Variants in TUSC3 observed in about 807,000 individuals in gnomAD.
The protein encoded by TUSC3 is tumor suppressor candidate 3, also known as dolichyl-diphosphooligosaccharide--protein glycosyltransferase subunit TUSC3.
In TUSC3, 45 loss-of-function variants were observed where a neutral mutation model predicts 44.8. That is an observed-to-expected ratio of 1.00 (90% CI 0.79 to 1.29). TUSC3 has a LOEUF of 1.29. Ranked by LOEUF, TUSC3 falls within the 50% of genes most tolerant of loss-of-function variation. TUSC3 has a pLI of 0.00. For missense variants in TUSC3, 519 were observed against 437.9 expected (o/e 1.19, Z -1.65); for synonymous variants, 212 against 152.9 (o/e 1.39, Z -2.85).
chr8:15,786,513 C>T, the TUSC3 span, among the ~76,000 whole-genome samples: 7 of 152,162 alleles, frequency 4.6e-5, no homozygotes, highest in South Asian at 1.4e-3. Context: ...GCAATCATTT[C>T]TTCTCTTTTA....
At chr8:15,469,576 G>C (rs1563259396) in intron 1 of TUSC3, among the ~76,000 whole-genome samples, 1 of 152,150 alleles carries the variant, frequency 6.6e-6, no homozygotes, top group Non-Finnish European at 1.5e-5. Context: ...GTAATTTGGA[G>C]AACTGTTTGG....
At chr8:15,851,566 G>C in the TUSC3 span, among the ~76,000 whole-genome samples, 20 of 152,302 alleles carry the variant, frequency 1.3e-4, no homozygotes, top group Admixed American at 7.8e-4. Flanking sequence ...ACTTGACCAA[G>C]ACATGGGACA....
chr8:15,437,166 A>G lies in TUSC3; in HGVS notation n.91+19861A>G, dbSNP rs545387882. Among the ~76,000 whole-genome samples the G allele has an allele frequency of 4.9e-4, 74 of 152,320 alleles. 1 individual carries two copies. Among genetic ancestry groups the G allele is most frequent in the African/African-American group, 1.7e-3 (69 of 41,584 alleles). On this transcript the variant is annotated intron_variant and non_coding_transcript_variant, in intron 1 of 5. Coordinates refer to the TUSC3 transcript ENST00000503191. ...AAATATAACTAATCATGCACTAATC[A>G]TTAGTCCCATAGTAATTGTATTAAT...
chr8:15,842,337 T>C, the TUSC3 span, among the ~76,000 whole-genome samples: 2 of 152,266 alleles, frequency 1.3e-5, no homozygotes, highest in East Asian at 3.9e-4. Context: ...TATAAATCAG[T>C]CTTAATACTT....
At chr8:15,813,205 G>C in the TUSC3 span, among the ~76,000 whole-genome samples, 1 of 152,124 alleles carries the variant, frequency 6.6e-6, no homozygotes, top group African/African-American at 2.4e-5. Context: ...ATTTCACTTA[G>C]ATGTAGACAC....
chr8:15,494,654 C>G (rs1800856088), intron 2 of TUSC3, among the ~76,000 whole-genome samples: 2 of 152,164 alleles, frequency 1.3e-5, no homozygotes, highest in Admixed American at 1.3e-4. Context: ...ACACTAACCA[C>G]CTTTGCACGT....
chr8:15,490,260 C>T (rs544838115), intron 2 of TUSC3, among the ~76,000 whole-genome samples: 29 of 152,114 alleles, frequency 1.9e-4, no homozygotes, highest in Non-Finnish European at 3.7e-4. Context: ...GACACTGTTA[C>T]CAGAGGGCAG....
chr8:15,777,121 T>A, the TUSC3 span, among the ~76,000 whole-genome samples: 1 of 152,192 alleles, frequency 6.6e-6, no homozygotes, highest in East Asian at 1.9e-4. Context: ...AAGAAGACTT[T>A]TCCTGGCCTC....
chr8:15,646,633 A>G (rs181297874), intron 2 of TUSC3, among the ~76,000 whole-genome samples: 4 of 152,154 alleles, frequency 2.6e-5, no homozygotes, highest in Admixed American at 1.3e-4. Context: ...CCCTCTTAAA[A>G]CATAATATTT....
chr8:15,633,190 C>G lies in TUSC3; in HGVS notation c.308+9941C>G, dbSNP rs115014383. On this transcript the variant is annotated intron_variant, in intron 2 of 10. Coordinates refer to ENST00000503731, the MANE Select transcript of TUSC3 (RefSeq NM_006765.4). ...CAGAGCATTACGTGTTTTCTTCTCTCTTTCCCTCATTCCATACTTTTATCT... is the reference window on the plus strand; with the variant it reads ...CAGAGCATTACGTGTTTTCTTCTCTGTTTCCCTCATTCCATACTTTTATCT... Among the ~76,000 whole-genome samples the G allele has an allele frequency of 5.8e-3, 886 of 152,264 alleles. 9 individuals carry two copies. The highest frequency in any genetic ancestry group is 0.02 in the African/African-American group (827 of 41,560).
rs138091182 is a variant in TUSC3 at position 15,740,352 on chromosome 8, A to G, written c.863-3186A>G. Among the ~76,000 whole-genome samples the G allele has an allele frequency of 5.0e-4, 76 of 152,300 alleles. 1 individual carries two copies. The highest frequency in any genetic ancestry group is 3.4e-3 in the Middle Eastern group (1 of 294). On this transcript the variant is annotated intron_variant, in intron 7 of 10. Coordinates refer to ENST00000503731, the MANE Select transcript of TUSC3 (RefSeq NM_006765.4). Reference sequence around the variant, plus strand: ...CCAAAACTCATAAAGGAAAAGATGCATAAATTTGGCCACATTAAAATTAAA... The same window carrying G: ...CCAAAACTCATAAAGGAAAAGATGCGTAAATTTGGCCACATTAAAATTAAA...
the TUSC3 span, among the ~76,000 whole-genome samples, chr8:15,848,637 T>C: frequency 2.0e-5 from 3 of 152,188 alleles, no homozygotes; most frequent in East Asian, 1.9e-4. Flanking sequence ...ATCTGTCTTA[T>C]GGACTCAGAC....
chr8:15,827,434 G>C, the TUSC3 span, among the ~76,000 whole-genome samples: 1 of 152,080 alleles, frequency 6.6e-6, no homozygotes, highest in African/African-American at 2.4e-5. Context: ...GATTCAATGG[G>C]TAGTGTTCAG....
At position 15,540,288 on chromosome 8, in the gene TUSC3, G is replaced by A. The variant is rs1801633177; in HGVS notation, c.-143G>A. ...AGTCTCCTCCTCTGCGTCCTCGGCC[G>A]CGGCCCGGGTCCCTCGCAAAGCCGC... On this transcript the variant is annotated 5_prime_UTR_variant, in exon 1 of 11. Transcript: ENST00000503731. 2 of 1,199,078 alleles carry A rather than the reference G, an allele frequency of 1.7e-6. No homozygotes were observed. The highest frequency in any genetic ancestry group is 3.2e-5 in the African/African-American group (2 of 61,986). 74.3% of individuals were successfully genotyped at this position (1,199,078 alleles called of 1,614,324 possible). A position where few individuals can be genotyped will look rare whatever the true frequency, so the allele number is the denominator to read the frequency against.
At chr8:15,603,349 A>G (rs1804373274) in intron 1 of TUSC3, among the ~76,000 whole-genome samples, 2 of 151,814 alleles carry the variant, frequency 1.3e-5, no homozygotes, top group South Asian at 2.1e-4. Flanking sequence ...ACAGAATGCA[A>G]AAAGTCTGAC....
Position 15,659,573 on chromosome 8 carries a change from A to T in TUSC3, c.493A>T (p.Thr165Ser). 6.2e-7 allele frequency: 1 copy of T among 1,613,496 alleles called. No homozygotes were observed. The highest frequency in any genetic ancestry group is 8.5e-7 in the Non-Finnish European group (1 of 1,179,692). ...AAAAGGCAGACCTAAGAGAGCTGAT[A>T]CTTTTGACCTCCAAAGAATTGGATT... ...PPKGRPKRADTFDLQRIGFAA... is the reference protein window; with the variant it reads ...PPKGRPKRADSFDLQRIGFAA... Residue 165 changes from threonine (T) to serine (S), a missense_variant, in exon 4 of 11, where the codon ACT becomes TCT. Coordinates refer to ENST00000503731, the MANE Select transcript of TUSC3 (RefSeq NM_006765.4).
intron 6 of TUSC3, among the ~76,000 whole-genome samples, chr8:15,686,830 A>C (rs1808651686): frequency 6.6e-6 from 1 of 151,974 alleles, no homozygotes; most frequent in Admixed American, 6.6e-5. Context: ...GCACTTTAGG[A>C]GGCCGAGTTT....
At chr8:15,425,953 C>A (rs1799798413) in intron 1 of TUSC3, among the ~76,000 whole-genome samples, 1 of 152,152 alleles carries the variant, frequency 6.6e-6, no homozygotes, top group African/African-American at 2.4e-5. Context: ...GAGTTCAAGG[C>A]TGCAGTGAGC....
chr8:15,639,782 GTTTTTT>G (rs34230510), intron 2 of TUSC3, among the ~76,000 whole-genome samples: 1 of 140,832 alleles, frequency 7.1e-6, no homozygotes, highest in Non-Finnish European at 1.5e-5. Flanking sequence ...CATAAGAGTC[GTTTTTT>G]TTTTTTTTGG....
Sources: allele counts gnomAD v4.1 joint callset (sites outside exome capture counted in the v4.1 genomes callset), GRCh38; gene constraint gnomAD v4.1.1; transcripts MANE v1.5; gene names NCBI Gene and HGNC (gene_info 2026-07-23, HGNC 2026-07-21).